The following FAM13A variants were observed in gnomAD, a reference collection of about 807,000 sequenced individuals.
The protein encoded by FAM13A is protein FAM13A.
A neutral mutation model predicts 129.6 loss-of-function variants in FAM13A; 76 were observed. The observed-to-expected ratio is 0.59, with a 90% CI of 0.49 to 0.71. The LOEUF (loss-of-function observed/expected upper bound fraction) is 0.71. Ranked by LOEUF, FAM13A falls within the 30% of genes least tolerant of loss-of-function variation. FAM13A has a pLI of 0.00. For synonymous variants in FAM13A, 443 were observed against 449.9 expected, an observed-to-expected ratio of 0.98 and a Z score of 0.20; for missense variants, 1,108 against 1,249.3, an observed-to-expected ratio of 0.89 and a Z score of 1.70.
At chr4:88,819,845 A>C (rs1426626330) in intron 7 of FAM13A, among the ~76,000 whole-genome samples, 1 of 152,204 alleles carries the variant, frequency 6.6e-6, no homozygotes, top group Non-Finnish European at 1.5e-5. Context: ...GGGACTGTTT[A>C]ATTATCTCAA....
chr4:88,777,249 CT>C (rs1721931258), intron 11 of FAM13A, among the ~76,000 whole-genome samples: 1 of 152,052 alleles, frequency 6.6e-6, no homozygotes, highest in South Asian at 2.1e-4. Context: ...TCCAAAGATA[CT>C]TTTCACCTTA....
chr4:88,834,012 C>A (rs1000973348), intron 7 of FAM13A, among the ~76,000 whole-genome samples: 3 of 151,652 alleles, frequency 2.0e-5, no homozygotes, highest in Non-Finnish European at 4.4e-5. Flanking sequence ...ACCTCAGGCT[C>A]CCAAGTAGCT....
intron 3 of FAM13A, among the ~76,000 whole-genome samples, chr4:89,004,734 C>G (rs1484314670): frequency 6.6e-6 from 1 of 151,906 alleles, no homozygotes; most frequent in Non-Finnish European, 1.5e-5. Context: ...CTTTTTATAA[C>G]CAAGAAAGCA....
intron 14 of FAM13A, among the ~76,000 whole-genome samples, chr4:88,751,941 T>C (rs1406433919): frequency 2.0e-5 from 3 of 152,208 alleles, no homozygotes; most frequent in African/African-American, 7.2e-5. Context: ...TATCATACTA[T>C]AAAATGTGCA....
intron 7 of FAM13A, among the ~76,000 whole-genome samples, chr4:88,832,488 A>G (rs972744239): frequency 6.6e-6 from 1 of 152,132 alleles, no homozygotes; most frequent in Admixed American, 6.5e-5. Flanking sequence ...AATCTATCCA[A>G]TTGACAAAGG....
intron 3 of FAM13A, among the ~76,000 whole-genome samples, chr4:89,019,618 G>A (rs868782155): frequency 4.0e-5 from 6 of 151,836 alleles, no homozygotes; most frequent in African/African-American, 2.4e-5. Context: ...AAAGTTAGCC[G>A]GGCATGGTGG....
At chr4:88,783,144 C>A (rs1034169179) in intron 10 of FAM13A, among the ~76,000 whole-genome samples, 2 of 152,026 alleles carry the variant, frequency 1.3e-5, no homozygotes, top group African/African-American at 4.8e-5. Flanking sequence ...CAATTACACT[C>A]TTTTAGATAT....
chr4:88,881,449 A>T (rs548181534), intron 6 of FAM13A, among the ~76,000 whole-genome samples: 9 of 152,218 alleles, frequency 5.9e-5, no homozygotes, highest in African/African-American at 2.2e-4. Flanking sequence ...TCAAGGGAAC[A>T]CCCCATGGGA....
chr4:88,882,887 C>T (rs1743822807), intron 6 of FAM13A, among the ~76,000 whole-genome samples: 1 of 152,020 alleles, frequency 6.6e-6, no homozygotes, highest in Admixed American at 6.6e-5. Context: ...ACAAAACAAA[C>T]TTTAAAGCAA....
At chr4:88,939,458 C>T (rs1026893617) in intron 4 of FAM13A, among the ~76,000 whole-genome samples, 1 of 152,132 alleles carries the variant, frequency 6.6e-6, no homozygotes, top group Non-Finnish European at 1.5e-5. Context: ...TCAGGATAAT[C>T]CTTATATCTC....
chr4:88,852,038 G>A (rs1737652861), intron 6 of FAM13A, among the ~76,000 whole-genome samples: 1 of 152,098 alleles, frequency 6.6e-6, no homozygotes, highest in African/African-American at 2.4e-5. Flanking sequence ...TCCCATGCTT[G>A]TCCTTACATC....
intron 1 of FAM13A, among the ~76,000 whole-genome samples, chr4:89,052,928 C>T (rs1014485306): frequency 4.6e-5 from 7 of 152,162 alleles, no homozygotes; most frequent in East Asian, 3.9e-4. Flanking sequence ...ATCAAATAAC[C>T]GTGAAAAATT....
intron 3 of FAM13A, among the ~76,000 whole-genome samples, chr4:89,011,135 A>G (rs1765676345): frequency 6.6e-6 from 1 of 152,156 alleles, no homozygotes; most frequent in Non-Finnish European, 1.5e-5. Flanking sequence ...GGTGTAAGCC[A>G]CCATGCCTGG....
intron 6 of FAM13A, among the ~76,000 whole-genome samples, chr4:88,890,096 C>T (rs1220184621): frequency 6.6e-6 from 1 of 152,132 alleles, no homozygotes; most frequent in African/African-American, 2.4e-5. Flanking sequence ...AAAATCAGTC[C>T]AGCACATGTG....
intron 1 of FAM13A, among the ~76,000 whole-genome samples, chr4:89,055,950 G>A (rs1190635253): frequency 6.6e-6 from 1 of 152,118 alleles, no homozygotes; most frequent in Non-Finnish European, 1.5e-5. Flanking sequence ...AAATTGCTCA[G>A]ATATTTCTAA....
At chr4:88,885,339 G>T (rs1420637693) in intron 6 of FAM13A, among the ~76,000 whole-genome samples, 1 of 152,136 alleles carries the variant, frequency 6.6e-6, no homozygotes, top group Admixed American at 6.5e-5. Context: ...ACAGGATAGA[G>T]AACCCAGAAA....
At chr4:88,938,465 T>C (rs1416668912) in intron 4 of FAM13A, among the ~76,000 whole-genome samples, 1 of 152,156 alleles carries the variant, frequency 6.6e-6, no homozygotes, top group Non-Finnish European at 1.5e-5. Context: ...TATAGGCTGT[T>C]CAGGAAGAAG....
chr4:88,989,026 G>A (rs1447324967), intron 4 of FAM13A, among the ~76,000 whole-genome samples: 4 of 151,906 alleles, frequency 2.6e-5, no homozygotes, highest in Non-Finnish European at 5.9e-5. Flanking sequence ...TGGCCAACAT[G>A]GTGAAACCCC....
At chr4:88,938,308 G>T in intron 4 of FAM13A, 67 bp from the exon 5 acceptor site, 1 of 1,272,672 alleles carries the variant, frequency 7.9e-7, no homozygotes, top group Non-Finnish European at 1.1e-6. Context: ...AGCTGACTCA[G>T]ACTTGTATTT....
Sources: allele counts gnomAD v4.1 joint callset (sites outside exome capture counted in the v4.1 genomes callset), GRCh38; gene constraint gnomAD v4.1.1; transcripts MANE v1.5; gene names NCBI Gene and HGNC (gene_info 2026-07-23, HGNC 2026-07-21).